MYO18B: variants seen among roughly 807,000 people sequenced by gnomAD.
MYO18B encodes the protein myosin XVIIIB.
MYO18B carries 204 observed loss-of-function variants against 273.0 expected under a neutral mutation model. The observed-to-expected ratio is 0.75, with a 90% CI of 0.67 to 0.84. MYO18B has a LOEUF of 0.84. Among genes scored for constraint, MYO18B ranks in the 40% least tolerant of loss-of-function variants. MYO18B has a pLI of 0.00. For missense variants in MYO18B, 3,212 were observed against 3,287.6 expected (o/e 0.98, Z 0.56); for synonymous variants, 1,330 against 1,305.7 (o/e 1.02, Z -0.40).
chr22:26,026,469 T>C lies in MYO18B; in HGVS notation c.6495T>C (p.Thr2165=). ...GGATAAACGAAGAGGCTGGGGACAC[T>C]GAGAGGACCCAGTCGGCATTGGCAC... The part of the protein sequence containing the change: ...SPRINEEAGD[T]ERTQSALALS... The change falls in exon 43 of 44, where the codon ACT becomes ACC. Residue 2165 remains threonine (T), a synonymous_variant. Transcript: ENST00000335473. 6.2e-7 allele frequency: 1 copy of C among 1,612,882 alleles called. No homozygotes were observed. The highest frequency in any genetic ancestry group is 2.2e-5 in the East Asian group (1 of 44,844).
At chr22:25,902,792 A>C in intron 30 of MYO18B, 56 bp downstream of exon 30, 1 of 1,530,318 alleles carries the variant, frequency 6.5e-7, no homozygotes, top group East Asian at 2.4e-5. Context: ...ATCTCGGGAA[A>C]CTGCATCGTG....
At chr22:25,776,833 G>A (rs1293451149) in intron 7 of MYO18B, among the ~76,000 whole-genome samples, 1 of 152,172 alleles carries the variant, frequency 6.6e-6, no homozygotes, top group Non-Finnish European at 1.5e-5. Context: ...TCTCACTGTA[G>A]AAGAAACTGC....
Position 25,890,768 on chromosome 22 carries a change from A to T in MYO18B, c.4327A>T (p.Thr1443Ser). The T allele has an allele frequency of 6.2e-7, 1 of 1,613,888 alleles. No individual in the cohort carries two copies. The highest frequency in any genetic ancestry group is 8.5e-7 in the Non-Finnish European group (1 of 1,179,858). ...TTCCCCATCTCAGATTGCTGACTTG[A>T]CCTCTGACCTTGCCGATGAGCGCTT... ...DLLESKIADLTSDLADERFKG... is the reference protein window; with the variant it reads ...DLLESKIADLSSDLADERFKG... The change falls in exon 26 of 44, where the codon ACC becomes TCC. Residue 1443 changes from threonine to serine, a missense_variant. By Grantham distance (58) the Thr-to-Ser change is moderately conservative. Transcript: ENST00000335473.
chr22:25,782,115 T>C (rs1280251719), intron 10 of MYO18B, among the ~76,000 whole-genome samples: 1 of 151,796 alleles, frequency 6.6e-6, no homozygotes, highest in East Asian at 1.9e-4. Context: ...TACATTCAGC[T>C]CTTTATAGGT....
chr22:25,769,068 G>A lies in MYO18B; in HGVS notation c.1152G>A (p.Lys384=), dbSNP rs1176657609. The part of the protein sequence containing the change: ...KAGELRSTTG[K]AGESWDKKEK... ...GTGAGCTTCGGAGCACGACTGGGAA[G>A]GCAGGTGAGTCCTGGGATAAGAAGG... Residue 384 remains lysine, a synonymous_variant, in exon 4 of 44, where the codon AAG becomes AAA. Coordinates refer to ENST00000335473, the MANE Select transcript of MYO18B (RefSeq NM_032608.7). 1 of 1,612,882 alleles carries A rather than the reference G, an allele frequency of 6.2e-7. No individual in the cohort carries two copies. Among genetic ancestry groups the A allele is most frequent in the Non-Finnish European group, 8.5e-7 (1 of 1,179,438 alleles).
chr22:26,006,019 T>C (rs1934385612), intron 42 of MYO18B, among the ~76,000 whole-genome samples: 1 of 152,208 alleles, frequency 6.6e-6, no homozygotes, highest in South Asian at 2.1e-4. Context: ...GGGAATTGTG[T>C]CCTCTGTGAA....
At chr22:25,770,574 A>T (rs1287609799) in intron 5 of MYO18B, among the ~76,000 whole-genome samples, 2 of 152,096 alleles carry the variant, frequency 1.3e-5, no homozygotes, top group East Asian at 3.9e-4. Context: ...GGAGGGGGAA[A>T]TGGCAGTCTG....
At chr22:25,766,865 C>G (rs2086524302) in intron 3 of MYO18B, among the ~76,000 whole-genome samples, 1 of 152,224 alleles carries the variant, frequency 6.6e-6, no homozygotes. Context: ...TATAAAATGG[C>G]TGGCAGCAAA....
chr22:25,967,398 T>C lies in MYO18B; in HGVS notation c.6156+12034T>C, dbSNP rs555533650. On this transcript the variant is annotated intron_variant, in intron 39 of 43. Transcript: ENST00000335473. ...ACGATTTGACATCTTTAAAAGATAG[T>C]GGTCCCAAGGAAATCCAGGGGGCCC... Among the ~76,000 whole-genome samples the C allele has an allele frequency of 5.9e-5, 9 of 152,358 alleles. No individual in the cohort carries two copies. In the South Asian group the frequency reaches 1.7e-3, roughly 28 times the overall value.
intron 39 of MYO18B, among the ~76,000 whole-genome samples, chr22:25,965,825 T>C (rs1348403980): frequency 6.6e-6 from 1 of 152,234 alleles, no homozygotes. Flanking sequence ...AAAATTTAGC[T>C]ATCAGCTCTT....
intron 12 of MYO18B, among the ~76,000 whole-genome samples, chr22:25,801,480 G>C (rs773451031): frequency 2.6e-5 from 4 of 152,172 alleles, no homozygotes; most frequent in Non-Finnish European, 4.4e-5. Flanking sequence ...CTGTAAAATG[G>C]GGCTAATGAT....
At chr22:25,943,830 C>T (rs988945875) in intron 34 of MYO18B, among the ~76,000 whole-genome samples, 3 of 150,728 alleles carry the variant, frequency 2.0e-5, no homozygotes, top group African/African-American at 7.3e-5. Context: ...AGCAATTTTC[C>T]TGCCTCAGCC....
intron 11 of MYO18B, among the ~76,000 whole-genome samples, chr22:25,788,930 A>G (rs1190407189): frequency 6.6e-6 from 1 of 152,214 alleles, no homozygotes; most frequent in East Asian, 1.9e-4. Context: ...TTCGAAAACT[A>G]GGAGAGCAAG....
In MYO18B at chr22:25,948,513, T is replaced by C. The variant is rs374830032; in HGVS notation, c.5748+685T>C. Among the ~76,000 whole-genome samples, 178 of 127,452 alleles carry C rather than the reference T, an allele frequency of 1.4e-3. 4 individuals are homozygous for C. Among genetic ancestry groups the C allele is most frequent in the African/African-American group, 5.3e-3 (167 of 31,240 alleles). 83.6% of individuals were successfully genotyped at this position (127,452 alleles called of 152,430 possible). A position where few individuals can be genotyped will look rare whatever the true frequency, so the allele number is the denominator to read the frequency against. On this transcript the variant is annotated intron_variant, in intron 36 of 43. Coordinates refer to ENST00000335473, the MANE Select transcript of MYO18B (RefSeq NM_032608.7). Reference sequence around the variant, plus strand: ...CTTTCTTTCTTTCCTCTCTTTTCTCTTTCCTTCTTTCTTTCTTCCTTCCTT... The same window carrying C: ...CTTTCTTTCTTTCCTCTCTTTTCTCCTTCCTTCTTTCTTTCTTCCTTCCTT...
At chr22:25,846,016 G>A in intron 18 of MYO18B, 84 bp from the exon 19 acceptor site, 2 of 1,251,862 alleles carry the variant, frequency 1.6e-6, no homozygotes, top group Non-Finnish European at 2.1e-6. Flanking sequence ...AAGCAAGAAG[G>A]CTTGTTCCCT....
At chr22:26,053,506 G>A in the MYO18B span, among the ~76,000 whole-genome samples, 3 of 152,128 alleles carry the variant, frequency 2.0e-5, no homozygotes, top group African/African-American at 7.2e-5. Flanking sequence ...CCTGGTCACC[G>A]TCTTATTACT....
chr22:26,050,562 G>T, the MYO18B span, among the ~76,000 whole-genome samples: 2 of 152,272 alleles, frequency 1.3e-5, no homozygotes, highest in Admixed American at 1.3e-4. Flanking sequence ...ATAGGCTGAG[G>T]ATCTCCTGGT....
intron 7 of MYO18B, among the ~76,000 whole-genome samples, chr22:25,772,968 T>C (rs1671163086): frequency 6.6e-6 from 1 of 152,200 alleles, no homozygotes; most frequent in Non-Finnish European, 1.5e-5. Flanking sequence ...ACAGGGCTCC[T>C]GTGTGCTCTT....
intron 34 of MYO18B, among the ~76,000 whole-genome samples, chr22:25,942,232 A>G (rs2092652857): frequency 1.3e-5 from 2 of 152,206 alleles, no homozygotes; most frequent in South Asian, 2.1e-4. Flanking sequence ...ACACAGTGAA[A>G]TCTGGCACTT....
Sources: gnomAD v4.1 joint callset for allele counts (sites outside exome capture counted in the v4.1 genomes callset) on GRCh38, gnomAD v4.1.1 for gene constraint, MANE v1.5 for transcripts, NCBI Gene and HGNC (gene_info 2026-07-23, HGNC 2026-07-21) for gene names.